The following OGDH variants were observed in gnomAD, a reference collection of about 807,000 sequenced individuals.
OGDH encodes 2-oxoglutarate dehydrogenase complex component E1.
In OGDH, 38 loss-of-function variants were observed where a neutral mutation model predicts 116.6. The observed-to-expected ratio is 0.33, with a 90% confidence interval of 0.25 to 0.43. OGDH has a LOEUF of 0.43. Ranked by LOEUF, OGDH falls within the 20% of genes least tolerant of loss-of-function variation. OGDH has a pLI of 1.00. For missense variants in OGDH, 825 were observed against 1,357.2 expected (o/e 0.61, Z 6.16); for synonymous variants, 488 against 533.3 (o/e 0.92, Z 1.17).
chr7:44,638,031 G>A (rs1350819516), intron 2 of OGDH, among the ~76,000 whole-genome samples: 4 of 152,078 alleles, frequency 2.6e-5, no homozygotes, highest in Non-Finnish European at 5.9e-5. Context: ...CCTGCCCCTT[G>A]AATGTCATTT....
rs747059593 is a variant in OGDH at position 44,675,194 on chromosome 7, C to G, written c.952C>G (p.Leu318Val). ...GMPHRGRLNV[L>V]ANVIRKELEQ... ...ACGTTCCAGAGGGCGGCTGAACGTG[C>G]TTGCAAATGTCATCAGGAAGGAGCT... Residue 318 changes from leucine to valine, a missense_variant, in exon 8 of 23, where the codon CTT becomes GTT. By Grantham distance (32) the Leu-to-Val change is conservative (BLOSUM62 1). Transcript: ENST00000222673. 13 of 1,613,980 alleles carry G rather than the reference C, an allele frequency of 8.1e-6. No homozygotes were observed. The highest frequency in any genetic ancestry group is 4.2e-6 in the Non-Finnish European group (5 of 1,179,982).
intron 20 of OGDH, among the ~76,000 whole-genome samples, chr7:44,703,004 A>G (rs929088507): frequency 6.6e-6 from 1 of 152,188 alleles, no homozygotes; most frequent in Non-Finnish European, 1.5e-5. Context: ...TGACTACTCT[A>G]TGGAACTCAT....
At chr7:44,644,425 G>T (rs1786082185) in intron 2 of OGDH, among the ~76,000 whole-genome samples, 2 of 152,202 alleles carry the variant, frequency 1.3e-5, no homozygotes, top group Non-Finnish European at 2.9e-5. Context: ...TTAGTTTATA[G>T]TTTTTCTAAG....
At chr7:44,677,805 C>T (rs542725211) in intron 9 of OGDH, among the ~76,000 whole-genome samples, 290 of 148,230 alleles carry the variant, frequency 2.0e-3, no homozygotes, top group African/African-American at 6.9e-3. Flanking sequence ...ACCTGGGAGG[C>T]GGAGGTTGCA....
chr7:44,616,684 T>TATGTATATGTATATATATACACAC (rs1295785695), intron 1 of OGDH, among the ~76,000 whole-genome samples: 3 of 147,410 alleles, frequency 2.0e-5, no homozygotes, highest in African/African-American at 7.4e-5. Flanking sequence ...TATATACACA[T>TATGTATATGTATATATATACACAC]ATGTATATGT....
rs1356650531 is a variant in OGDH at position 44,696,476 on chromosome 7, A to T, written c.1819A>T (p.Thr607Ser). The T allele has an allele frequency of 6.2e-7, 1 of 1,614,092 alleles. No individual in the cohort carries two copies. The highest frequency in any genetic ancestry group is 8.5e-7 in the Non-Finnish European group (1 of 1,180,038). ...GCCCAGGAGCATGTCCTGCCCCTCC[A>T]CGGGTCTGACGGAGGATATTCTGAC... Reference protein sequence around the residue: ...GQPRSMSCPSTGLTEDILTHI... With the variant: ...GQPRSMSCPSSGLTEDILTHI... The change falls in exon 14 of 23, where the codon ACG becomes TCG. Residue 607 changes from threonine (T) to serine (S), a missense_variant. Thr to Ser is a moderately conservative substitution (Grantham distance 58). Coordinates refer to ENST00000222673, the MANE Select transcript of OGDH (RefSeq NM_002541.4).
intron 4 of OGDH, among the ~76,000 whole-genome samples, chr7:44,665,402 CCT>C (rs1474618748): frequency 6.6e-6 from 1 of 151,318 alleles, no homozygotes; most frequent in African/African-American, 2.4e-5. Flanking sequence ...ACAAAAAAAA[CCT>C]CTCCGAAAGC....
intron 19 of OGDH, 62 bp downstream of exon 19, chr7:44,700,331 G>A: frequency 6.3e-7 from 1 of 1,594,328 alleles, no homozygotes; most frequent in Non-Finnish European, 8.5e-7. Context: ...GTGCAGGGAA[G>A]GGCTCCTCAG....
intron 1 of OGDH, among the ~76,000 whole-genome samples, chr7:44,620,971 C>T (rs1784986367): frequency 6.6e-6 from 1 of 152,226 alleles, no homozygotes; most frequent in Admixed American, 6.5e-5. Context: ...ACGTACTATT[C>T]TTAAAGTTGA....
intron 9 of OGDH, among the ~76,000 whole-genome samples, chr7:44,679,996 A>T (rs1172185684): frequency 6.6e-6 from 1 of 152,170 alleles, no homozygotes; most frequent in Non-Finnish European, 1.5e-5. Flanking sequence ...GGAGTGCTTG[A>T]ACCCAGGAGT....
At chr7:44,619,634 C>T (rs1021012741) in intron 1 of OGDH, among the ~76,000 whole-genome samples, 1 of 152,192 alleles carries the variant, frequency 6.6e-6, no homozygotes, top group African/African-American at 2.4e-5. Flanking sequence ...CTTATCCATT[C>T]GTCAGTGATG....
chr7:44,648,527 C>A (rs951737638), intron 4 of OGDH, among the ~76,000 whole-genome samples: 1 of 152,098 alleles, frequency 6.6e-6, no homozygotes, highest in East Asian at 1.9e-4. Flanking sequence ...TTTTAAATGG[C>A]CAGGGTGTTC....
chr7:44,700,054 C>A, intron 18 of OGDH, 87 bp from the exon 19 acceptor site: 1 of 1,419,728 alleles, frequency 7.0e-7, no homozygotes, highest in Non-Finnish European at 9.8e-7. Context: ...GGACAAATAT[C>A]CAAACTAGAT....
At chr7:44,645,861 C>G (rs1455532639) in intron 3 of OGDH, among the ~76,000 whole-genome samples, 1 of 152,154 alleles carries the variant, frequency 6.6e-6, no homozygotes, top group African/African-American at 2.4e-5. Flanking sequence ...TGAGCAGTGA[C>G]TGGGAGGGGT....
At chr7:44,607,849 G>A (rs1784413151) in intron 1 of OGDH, among the ~76,000 whole-genome samples, 1 of 151,966 alleles carries the variant, frequency 6.6e-6, no homozygotes, top group Admixed American at 6.6e-5. Flanking sequence ...TTACAGGCAC[G>A]CGCCATCACG....
intron 3 of OGDH, 138 bp downstream of exon 3, chr7:44,645,656 CT>C: frequency 1.3e-6 from 1 of 793,192 alleles, no homozygotes; most frequent in East Asian, 2.8e-5. Context: ...TTTCTCCCTG[CT>C]TTGGGAGGCT....
chr7:44,628,495 G>A (rs1010832182), intron 2 of OGDH, among the ~76,000 whole-genome samples: 3 of 150,636 alleles, frequency 2.0e-5, no homozygotes, highest in African/African-American at 7.3e-5. Flanking sequence ...AGCCATGCCT[G>A]TAATCCTGAT....
intron 1 of OGDH, among the ~76,000 whole-genome samples, chr7:44,612,790 G>A (rs1413789756): frequency 6.6e-6 from 1 of 152,022 alleles, no homozygotes; most frequent in Non-Finnish European, 1.5e-5. Context: ...TCTACTTCCA[G>A]GCTCAAGCAA....
rs1562683884 is a variant in OGDH, at chr7:44,696,056, A to C, written c.1700A>C (p.Glu567Ala). 6.2e-7 allele frequency: 1 copy of C among 1,612,820 alleles called. No individual in the cohort carries two copies. The highest frequency in any genetic ancestry group is 1.1e-5 in the South Asian group (1 of 91,068). ...EEISKYDKIC[E>A]EAFARSKDEK... ...ATTTCCAAGTATGATAAGATCTGTG[A>C]GGAAGCTTTTGCCAGATCTAAAGAT... Residue 567 changes from glutamate to alanine, a missense_variant, in exon 13 of 23, where the codon GAG becomes GCG. Physicochemically the swap from Glu to Ala is moderately radical, Grantham distance 107. Transcript: ENST00000222673.
Sources: allele counts gnomAD v4.1 joint callset (sites outside exome capture counted in the v4.1 genomes callset), GRCh38; gene constraint gnomAD v4.1.1; transcripts MANE v1.5; gene names NCBI Gene and HGNC (gene_info 2026-07-23, HGNC 2026-07-21).